FAM114A1: variants seen among roughly 807,000 people sequenced by gnomAD.
FAM114A1 encodes protein NOXP20.
Under a neutral mutation model 64.3 loss-of-function variants are expected in FAM114A1, and 62 were observed. That is an observed-to-expected ratio of 0.96 (90% confidence interval 0.79 to 1.19). The LOEUF (loss-of-function observed/expected upper bound fraction) is 1.19. FAM114A1 is among the 50% of genes most tolerant of loss of function. The pLI is 0.00. For synonymous variants in FAM114A1, 254 were observed against 251.1 expected (o/e 1.01, Z -0.11); for missense variants, 645 against 676.3 (o/e 0.95, Z 0.51).
chr4:38,912,650 G>A (rs1718667697), intron 7 of FAM114A1, among the ~76,000 whole-genome samples: 1 of 152,152 alleles, frequency 6.6e-6, no homozygotes, highest in Non-Finnish European at 1.5e-5. Flanking sequence ...CCAAAGTGCT[G>A]GGATTACAGG....
intron 9 of FAM114A1, chr4:38,929,039 A>G: frequency 1.8e-6 from 1 of 541,100 alleles, no homozygotes; most frequent in Non-Finnish European, 3.4e-6. Flanking sequence ...GCAAGACTTC[A>G]GCGGCCCTGC....
intron 8 of FAM114A1, among the ~76,000 whole-genome samples, chr4:38,916,068 C>G (rs1477412562): frequency 6.6e-6 from 1 of 152,122 alleles, no homozygotes; most frequent in East Asian, 1.9e-4. Context: ...TTGACTCTCC[C>G]TAGACCTTAT....
intron 4 of FAM114A1, among the ~76,000 whole-genome samples, chr4:38,898,951 A>G (rs1440022869): frequency 6.8e-6 from 1 of 147,628 alleles, no homozygotes; most frequent in East Asian, 1.9e-4. Context: ...TTTATATGTT[A>G]TATATTATAT....
chr4:38,895,545 A>C (rs1171356835), intron 4 of FAM114A1, among the ~76,000 whole-genome samples: 1 of 152,222 alleles, frequency 6.6e-6, no homozygotes, highest in African/African-American at 2.4e-5. Context: ...ACAGGGGTGA[A>C]ATCCCATCCT....
chr4:38,927,674 T>A (rs1720249648), intron 9 of FAM114A1, among the ~76,000 whole-genome samples: 1 of 152,178 alleles, frequency 6.6e-6, no homozygotes, highest in Non-Finnish European at 1.5e-5. Flanking sequence ...TTTACTTATC[T>A]GTTTTGTTTT....
At chr4:38,903,964 A>G (rs1717752065) in intron 4 of FAM114A1, among the ~76,000 whole-genome samples, 1 of 152,208 alleles carries the variant, frequency 6.6e-6, no homozygotes, top group South Asian at 2.1e-4. Context: ...TAAGGTTACA[A>G]CTGCTAAAAT....
At chr4:38,874,408 C>G (rs1714406674) in intron 2 of FAM114A1, among the ~76,000 whole-genome samples, 1 of 152,160 alleles carries the variant, frequency 6.6e-6, no homozygotes, top group Non-Finnish European at 1.5e-5. Flanking sequence ...TTGCATTTCT[C>G]TAATGATTAG....
chr4:38,926,422 A>G (rs28759194), intron 9 of FAM114A1, among the ~76,000 whole-genome samples: 158 of 150,716 alleles, frequency 1.0e-3, no homozygotes, highest in Middle Eastern at 3.5e-3. Context: ...GATGGAATCA[A>G]TCTAGCTCTC....
Position 38,943,676 on chromosome 4 carries a change from C to A in FAM114A1, c.*119C>A. 1 of 705,326 alleles carries A rather than the reference C, an allele frequency of 1.4e-6. No individual in the cohort carries two copies. The highest frequency in any genetic ancestry group is 2.5e-6 in the Non-Finnish European group (1 of 404,876). The allele number at this position is 705,326 out of a possible 1,614,324, so 43.7% of individuals were successfully genotyped here. ...GACATCCATTTGAGGACACTACAAG[C>A]AATTTTGCACAGACAATATTGAGAA... On this transcript the variant is annotated 3_prime_UTR_variant, in exon 15 of 15. Transcript: ENST00000358869.
intron 14 of FAM114A1, among the ~76,000 whole-genome samples, chr4:38,943,086 G>T (rs1019028334): frequency 6.6e-6 from 1 of 151,590 alleles, no homozygotes; most frequent in Non-Finnish European, 1.5e-5. Flanking sequence ...CCAGCTACTC[G>T]AGAGGCTGAA....
intron 12 of FAM114A1, among the ~76,000 whole-genome samples, chr4:38,934,242 C>T (rs1049229810): frequency 6.6e-6 from 1 of 152,158 alleles, no homozygotes; most frequent in Non-Finnish European, 1.5e-5. Context: ...CTTTCTGATT[C>T]CTAGCCCTGA....
intron 4 of FAM114A1, among the ~76,000 whole-genome samples, chr4:38,895,000 A>C (rs960808663): frequency 6.6e-6 from 1 of 152,196 alleles, no homozygotes; most frequent in Non-Finnish European, 1.5e-5. Context: ...TGGGGTTGAC[A>C]CTATGCTTGT....
intron 4 of FAM114A1, among the ~76,000 whole-genome samples, chr4:38,898,752 G>T (rs1717199145): frequency 6.6e-6 from 1 of 152,062 alleles, no homozygotes; most frequent in African/African-American, 2.4e-5. Flanking sequence ...CCAAAGGAAG[G>T]TTGATTGGCT....
intron 9 of FAM114A1, among the ~76,000 whole-genome samples, chr4:38,925,334 G>A (rs761007117): frequency 4.6e-5 from 7 of 152,166 alleles, no homozygotes; most frequent in African/African-American, 7.2e-5. Context: ...AAGAATAGAC[G>A]TTGTCATTAA....
chr4:38,941,550 T>A (rs974330730), intron 14 of FAM114A1, among the ~76,000 whole-genome samples: 57 of 152,274 alleles, frequency 3.7e-4, no homozygotes, highest in African/African-American at 1.3e-3. Flanking sequence ...GCAGCATCAG[T>A]TGTGTTGATA....
chr4:38,943,547 CA>C lies in FAM114A1; in HGVS notation c.1683del (p.Gln562SerfsTer38). 6.2e-7 allele frequency: 1 copy of C among 1,613,888 alleles called. No homozygotes were observed. ...CATATCCAGACCAGTTGTTTGAAAG[CA>C]CAGCCGTGACCTGGCCAGACTCCAT... ...VSHIQTSCLKAQP is the reference protein window; with the variant it reads ...VSHIQTSCLKXQP On this transcript the variant is annotated frameshift_variant, in exon 15 of 15. Coordinates refer to ENST00000358869, the MANE Select transcript of FAM114A1 (RefSeq NM_138389.4). LOFTEE classifies it high-confidence loss of function.
At chr4:38,931,647 A>G (rs775071909) in intron 11 of FAM114A1, 35 bp downstream of exon 11, 1 of 1,569,580 alleles carries the variant, frequency 6.4e-7, no homozygotes, top group South Asian at 1.2e-5. Flanking sequence ...CTACAAGGTA[A>G]TAAGAGTGTG....
intron 6 of FAM114A1, among the ~76,000 whole-genome samples, chr4:38,906,996 G>A (rs993539537): frequency 1.3e-5 from 2 of 152,112 alleles, no homozygotes; most frequent in African/African-American, 2.4e-5. Flanking sequence ...CAAACAAGAG[G>A]GCACAATATC....
At chr4:38,903,512 G>C (rs1328489202) in intron 4 of FAM114A1, among the ~76,000 whole-genome samples, 1 of 152,160 alleles carries the variant, frequency 6.6e-6, no homozygotes, top group South Asian at 2.1e-4. Context: ...AAATCTAGAC[G>C]AGAATCATAG....
Sources: allele counts gnomAD v4.1 joint callset (sites outside exome capture counted in the v4.1 genomes callset), GRCh38; gene constraint gnomAD v4.1.1; transcripts MANE v1.5; gene names NCBI Gene and HGNC (gene_info 2026-07-23, HGNC 2026-07-21).